GRIK1: variants seen among roughly 807,000 people sequenced by gnomAD.
The protein encoded by GRIK1 is glutamate ionotropic receptor kainate type subunit 1.
A neutral mutation model predicts 105.7 loss-of-function variants in GRIK1; 69 were observed. The observed-to-expected ratio is 0.65, with a 90% CI of 0.54 to 0.80. The LOEUF is 0.80. Among genes scored for constraint, GRIK1 ranks in the 30% least tolerant of loss-of-function variants. The pLI, the probability that GRIK1 is intolerant of heterozygous loss-of-function variation, is 0.00. For missense variants in GRIK1, 1,109 were observed against 1,167.3 expected, an observed-to-expected ratio of 0.95 and a Z score of 0.73; for synonymous variants, 438 against 431.3, an observed-to-expected ratio of 1.02 and a Z score of -0.19.
intron 1 of GRIK1, among the ~76,000 whole-genome samples, chr21:29,896,727 A>G (rs1297605572): frequency 1.3e-5 from 2 of 152,206 alleles, no homozygotes; most frequent in Non-Finnish European, 2.9e-5. Flanking sequence ...AAAAGAATGA[A>G]TGAACTGACC....
chr21:29,633,648 G>A (rs1017104355), intron 7 of GRIK1, among the ~76,000 whole-genome samples: 6 of 152,024 alleles, frequency 3.9e-5, no homozygotes, highest in East Asian at 1.9e-4. Flanking sequence ...AAATATAAAC[G>A]ATGAACCTTT....
chr21:29,906,064 T>C (rs2070628914), intron 1 of GRIK1, among the ~76,000 whole-genome samples: 1 of 152,172 alleles, frequency 6.6e-6, no homozygotes, highest in South Asian at 2.1e-4. Context: ...TATAGAGGAC[T>C]ATCAGCTGAA....
At chr21:29,780,738 A>G (rs2066073298) in intron 1 of GRIK1, among the ~76,000 whole-genome samples, 1 of 152,262 alleles carries the variant, frequency 6.6e-6, no homozygotes, top group Non-Finnish European at 1.5e-5. Flanking sequence ...TTGCAGAAGA[A>G]GCACCTTATG....
At chr21:29,800,629 A>G (rs565919029) in intron 1 of GRIK1, among the ~76,000 whole-genome samples, 1 of 152,366 alleles carries the variant, frequency 6.6e-6, no homozygotes, top group African/African-American at 2.4e-5. Context: ...TTCAAATGAA[A>G]ATAAAGTTAA....
At chr21:29,597,915 A>G (rs1431887400) in intron 8 of GRIK1, among the ~76,000 whole-genome samples, 2 of 152,224 alleles carry the variant, frequency 1.3e-5, no homozygotes, top group African/African-American at 4.8e-5. Flanking sequence ...CCTCATTTTA[A>G]AAAATCAACC....
chr21:29,648,175 A>G (rs1008871329), intron 6 of GRIK1, among the ~76,000 whole-genome samples: 2 of 152,168 alleles, frequency 1.3e-5, no homozygotes, highest in African/African-American at 4.8e-5. Flanking sequence ...GCTTTTTTCT[A>G]ATTCCTATAT....
intron 1 of GRIK1, among the ~76,000 whole-genome samples, chr21:29,901,187 G>A (rs1168011912): frequency 2.6e-5 from 4 of 152,056 alleles, no homozygotes; most frequent in Non-Finnish European, 4.4e-5. Context: ...GAGAAAGCAG[G>A]ACAAAGCAGG....
chr21:29,800,164 G>T (rs1346216125), intron 1 of GRIK1, among the ~76,000 whole-genome samples: 1 of 152,120 alleles, frequency 6.6e-6, no homozygotes, highest in Non-Finnish European at 1.5e-5. Context: ...TCACAAAAAT[G>T]AAATACACGA....
chr21:29,555,239 T>G lies in GRIK1; in HGVS notation c.2420A>C (p.His807Pro). 6.2e-7 allele frequency: 1 copy of G among 1,613,782 alleles called. No individual in the cohort carries two copies. Among genetic ancestry groups the G allele is most frequent in the Non-Finnish European group, 8.5e-7 (1 of 1,179,702 alleles). ...ILQLQEEGKL[H>P]MMKEKWWRGN... ...ACGCCACCACTTCTCTTTCATCATATGCAGCTTCCCTTCTTCTTGGAGTTG... is the reference window on the plus strand; with the variant it reads ...ACGCCACCACTTCTCTTTCATCATAGGCAGCTTCCCTTCTTCTTGGAGTTG... The change falls in exon 16 of 18, where the codon CAT becomes CCT. Residue 807 changes from histidine (H) to proline (P), a missense_variant. Physicochemically the swap from His to Pro is moderately conservative, Grantham distance 77. This residue lies in a region of GRIK1 where 18 missense variants were observed against 42.8 expected (regional missense o/e 0.42). Coordinates refer to ENST00000327783, the MANE Select transcript of GRIK1 (RefSeq NM_001330994.2).
At chr21:29,560,141 G>C (rs963672436) in intron 15 of GRIK1, among the ~76,000 whole-genome samples, 3 of 152,082 alleles carry the variant, frequency 2.0e-5, no homozygotes, top group Non-Finnish European at 2.9e-5. Flanking sequence ...TGGCTTGACT[G>C]TTAGCTATGA....
intron 1 of GRIK1, among the ~76,000 whole-genome samples, chr21:29,836,456 C>T (rs1460106396): frequency 6.6e-6 from 1 of 152,120 alleles, no homozygotes; most frequent in African/African-American, 2.4e-5. Flanking sequence ...TTACTCAACT[C>T]TGGGAAAAGT....
intron 1 of GRIK1, among the ~76,000 whole-genome samples, chr21:29,701,555 G>T (rs907845129): frequency 1.3e-5 from 2 of 152,120 alleles, no homozygotes; most frequent in African/African-American, 4.8e-5. Flanking sequence ...CCATCACAGG[G>T]CTGTGGTTTT....
intron 1 of GRIK1, among the ~76,000 whole-genome samples, chr21:29,807,671 A>C (rs2066902487): frequency 6.6e-6 from 1 of 152,172 alleles, no homozygotes; most frequent in African/African-American, 2.4e-5. Context: ...TTCAAGAACA[A>C]ATTTGTTGAT....
At chr21:29,556,718 G>T (rs2090265884) in intron 15 of GRIK1, among the ~76,000 whole-genome samples, 1 of 152,134 alleles carries the variant, frequency 6.6e-6, no homozygotes, top group Non-Finnish European at 1.5e-5. Flanking sequence ...AGAAGGAAAG[G>T]ATTTCAAGTC....
chr21:29,632,572 A>G (rs1224677921), intron 7 of GRIK1, among the ~76,000 whole-genome samples: 1 of 152,122 alleles, frequency 6.6e-6, no homozygotes, highest in East Asian at 1.9e-4. Context: ...ACTTCCCTCC[A>G]TAAATATGTA....
chr21:29,904,149 G>A (rs1948515265), intron 1 of GRIK1, among the ~76,000 whole-genome samples: 1 of 152,084 alleles, frequency 6.6e-6, no homozygotes, highest in African/African-American at 2.4e-5. Flanking sequence ...GGGAGGGTTA[G>A]CATTAGAAGA....
At chr21:29,893,129 G>A (rs1478132469) in intron 1 of GRIK1, among the ~76,000 whole-genome samples, 1 of 152,142 alleles carries the variant, frequency 6.6e-6, no homozygotes, top group Non-Finnish European at 1.5e-5. Context: ...TTGTCTAACT[G>A]TTTTACTTTT....
At chr21:29,886,972 TG>T (rs1262745388) in intron 1 of GRIK1, among the ~76,000 whole-genome samples, 1 of 152,132 alleles carries the variant, frequency 6.6e-6, no homozygotes, top group Non-Finnish European at 1.5e-5. Context: ...TAGATTTATT[TG>T]GGGGGATGAT....
At chr21:29,824,494 T>C (rs2067392755) in intron 1 of GRIK1, among the ~76,000 whole-genome samples, 2 of 151,934 alleles carry the variant, frequency 1.3e-5, no homozygotes, top group Admixed American at 1.3e-4. Flanking sequence ...GATCATTGTA[T>C]GGGAAGTGGG....
Sources: allele counts gnomAD v4.1 joint callset (sites outside exome capture counted in the v4.1 genomes callset), GRCh38; gene constraint gnomAD v4.1.1; regional missense constraint gnomAD v4.1.1; transcripts MANE v1.5; gene names NCBI Gene and HGNC (gene_info 2026-07-23, HGNC 2026-07-21).